Variants in TDRD7 observed in about 807,000 individuals in gnomAD.
TDRD7 encodes tudor domain containing 7.
In TDRD7, 47 loss-of-function variants were observed where a neutral mutation model predicts 109.8. That is an observed-to-expected ratio of 0.43 (90% confidence interval 0.34 to 0.55). TDRD7 has a LOEUF of 0.55. Ranked by LOEUF, TDRD7 falls within the 20% of genes least tolerant of loss-of-function variation. The pLI is 0.03. For missense variants in TDRD7, 1,164 were observed against 1,319.2 expected (o/e 0.88, Z 1.82); for synonymous variants, 424 against 457.3 (o/e 0.93, Z 0.93).
intron 4 of TDRD7, among the ~76,000 whole-genome samples, chr9:97,435,633 TA>T (rs972684782): frequency 9.5e-4 from 94 of 98,706 alleles, no homozygotes; most frequent in Admixed American, 1.9e-3. Flanking sequence ...AAGACCCTCT[TA>T]AAAAAAAAAA....
chr9:97,430,239 G>C (rs1393121897), intron 2 of TDRD7, among the ~76,000 whole-genome samples: 1 of 152,170 alleles, frequency 6.6e-6, no homozygotes, highest in East Asian at 1.9e-4. Flanking sequence ...CTGAGCTACA[G>C]TGTTTTGAGA....
intron 11 of TDRD7, among the ~76,000 whole-genome samples, chr9:97,474,702 G>T (rs1016725897): frequency 1.5e-4 from 23 of 152,244 alleles, no homozygotes; most frequent in Admixed American, 5.9e-4. Context: ...TCATTTGTAT[G>T]GATGTTGTCC....
In TDRD7 at chr9:97,483,304, C is replaced by G; in HGVS notation, c.2868C>G (p.His956Gln). ...ATTACAGCGTGTCTGAAGAGCGCCA[C>G]ATAGCAGTGGAGAAAGACCAAGTGT... ...ILYYSVSEERHIAVEKDQVYA... is the reference protein window; with the variant it reads ...ILYYSVSEERQIAVEKDQVYA... Residue 956 changes from histidine to glutamine, a missense_variant, in exon 15 of 17, where the codon CAC becomes CAG. Transcript: ENST00000355295. 1 of 1,614,142 alleles carries G rather than the reference C, an allele frequency of 6.2e-7. No homozygotes were observed. The highest frequency in any genetic ancestry group is 8.5e-7 in the Non-Finnish European group (1 of 1,180,024).
intron 6 of TDRD7, among the ~76,000 whole-genome samples, chr9:97,457,895 C>T (rs527788923): frequency 3.5e-4 from 54 of 152,218 alleles, no homozygotes; most frequent in African/African-American, 1.2e-3. Flanking sequence ...GAAAACCAAA[C>T]GCCACATGTT....
At chr9:97,450,312 G>A (rs544789860) in intron 6 of TDRD7, among the ~76,000 whole-genome samples, 8 of 152,284 alleles carry the variant, frequency 5.3e-5, no homozygotes, top group African/African-American at 1.9e-4. Flanking sequence ...GACAAGGATA[G>A]GAGTATTGTC....
chr9:97,421,366 G>A (rs1384511038), intron 1 of TDRD7, among the ~76,000 whole-genome samples: 1 of 151,732 alleles, frequency 6.6e-6, no homozygotes, highest in Non-Finnish European at 1.5e-5. Context: ...GTGTTTTTTT[G>A]CCATCTTCAT....
At chr9:97,434,193 A>T (rs549119283) in intron 4 of TDRD7, among the ~76,000 whole-genome samples, 1 of 152,312 alleles carries the variant, frequency 6.6e-6, no homozygotes, top group African/African-American at 2.4e-5. Context: ...TTTATAAAGG[A>T]GGAAATCCTG....
intron 6 of TDRD7, among the ~76,000 whole-genome samples, chr9:97,449,790 C>T (rs1020895587): frequency 6.6e-6 from 1 of 152,190 alleles, no homozygotes; most frequent in African/African-American, 2.4e-5. Flanking sequence ...GTAAGCAGCC[C>T]TACCCTGAAG....
intron 6 of TDRD7, among the ~76,000 whole-genome samples, chr9:97,451,875 A>C (rs1485234617): frequency 6.6e-6 from 1 of 152,206 alleles, no homozygotes; most frequent in African/African-American, 2.4e-5. Context: ...TGAAGTGGGG[A>C]GACCCCCCCA....
intron 4 of TDRD7, among the ~76,000 whole-genome samples, chr9:97,436,686 G>T (rs1406672536): frequency 3.3e-5 from 5 of 152,008 alleles, no homozygotes; most frequent in Non-Finnish European, 5.9e-5. Flanking sequence ...TGTAATTGTT[G>T]TGGCTTCATT....
At chr9:97,433,863 T>C (rs953377500) in intron 4 of TDRD7, among the ~76,000 whole-genome samples, 1 of 151,894 alleles carries the variant, frequency 6.6e-6, no homozygotes, top group Admixed American at 6.6e-5. Context: ...ACGCAGAAAA[T>C]AACAAGTGCT....
intron 12 of TDRD7, 36 bp from the exon 13 acceptor site, chr9:97,478,403 A>C: frequency 6.2e-7 from 1 of 1,613,686 alleles, no homozygotes; most frequent in Non-Finnish European, 8.5e-7. Flanking sequence ...TCTTTTGAAT[A>C]TGCTAATAAA....
At chr9:97,490,550 G>GGC (rs149608769) in intron 16 of TDRD7, among the ~76,000 whole-genome samples, 3 of 54,036 alleles carry the variant, frequency 5.6e-5, no homozygotes, top group Non-Finnish European at 1.7e-4. Context: ...ATATTTTGGT[G>GGC]GGGGGGGGGG....
intron 1 of TDRD7, among the ~76,000 whole-genome samples, chr9:97,427,125 A>G (rs963125782): frequency 6.6e-6 from 1 of 152,228 alleles, no homozygotes; most frequent in Non-Finnish European, 1.5e-5. Flanking sequence ...CAAATTGCCC[A>G]TGGTTTGCCT....
chr9:97,429,427 G>A (rs1828062910), intron 2 of TDRD7, among the ~76,000 whole-genome samples: 1 of 152,066 alleles, frequency 6.6e-6, no homozygotes, highest in Admixed American at 6.6e-5. Flanking sequence ...GGTTTCCTGG[G>A]TATGTTTCTA....
At chr9:97,480,445 G>A in intron 13 of TDRD7, 1 of 190,470 alleles carries the variant, frequency 5.3e-6, no homozygotes, top group African/African-American at 2.4e-5. Flanking sequence ...TTTTTTTTAA[G>A]TTGAGCTAGA....
At chr9:97,442,389 A>G (rs1828321904) in intron 6 of TDRD7, among the ~76,000 whole-genome samples, 1 of 152,176 alleles carries the variant, frequency 6.6e-6, no homozygotes, top group East Asian at 1.9e-4. Context: ...CTATCTTTAG[A>G]GAGAAAATTG....
Position 97,460,274 on chromosome 9 carries a change from C to T in TDRD7, c.952C>T (p.Leu318=), listed in dbSNP as rs540915855. 21 of 1,614,218 alleles carry T rather than the reference C, an allele frequency of 1.3e-5. No individual in the cohort carries two copies. In the African/African-American group the frequency reaches 1.6e-4, roughly 12 times the overall value. The change falls in exon 7 of 17, where the codon CTA becomes TTA. Residue 318 remains leucine, a synonymous_variant. Transcript: ENST00000355295. The part of the protein sequence containing the change: ...RSELDTEKVP[L]SPLPGPKQTP... ...TGAACTGGATACTGAGAAAGTACCTCTATCCCCACTACCTGGTCCCAAACA... is the reference window on the plus strand; with the variant it reads ...TGAACTGGATACTGAGAAAGTACCTTTATCCCCACTACCTGGTCCCAAACA...
At chr9:97,493,803 A>G (rs1172761546) in intron 16 of TDRD7, among the ~76,000 whole-genome samples, 3 of 152,222 alleles carry the variant, frequency 2.0e-5, no homozygotes, top group Non-Finnish European at 4.4e-5. Context: ...TTGCTGAGAA[A>G]AAGAATTCAG....
Sources: gnomAD v4.1 joint callset for allele counts (sites outside exome capture counted in the v4.1 genomes callset) on GRCh38, gnomAD v4.1.1 for gene constraint, MANE v1.5 for transcripts, NCBI Gene and HGNC (gene_info 2026-07-23, HGNC 2026-07-21) for gene names.